The following KCNIP4 variants were observed in gnomAD, a reference collection of about 807,000 sequenced individuals.
KCNIP4 encodes the protein potassium voltage-gated channel interacting protein 4.
In KCNIP4, 12 loss-of-function variants were observed where a neutral mutation model predicts 34.0. The ratio of observed to expected loss-of-function variants is 0.35; its 90% confidence interval spans 0.23 to 0.57. The LOEUF (loss-of-function observed/expected upper bound fraction) is 0.57, where lower values mean the gene tolerates loss of function less well. KCNIP4 is among the 20% of genes least tolerant of loss of function. The pLI, the probability that KCNIP4 is intolerant of heterozygous loss-of-function variation, is 0.83. For missense variants in KCNIP4, 238 were observed against 311.7 expected, an observed-to-expected ratio of 0.76 and a Z score of 1.78; for synonymous variants, 124 against 102.2, an observed-to-expected ratio of 1.21 and a Z score of -1.29.
intron 1 of KCNIP4, among the ~76,000 whole-genome samples, chr4:21,637,276 AGTAAATACTTTAG>A (rs1472298557): frequency 2.0e-5 from 3 of 152,166 alleles, no homozygotes; most frequent in Non-Finnish European, 2.9e-5. Flanking sequence ...AGTTTAAGAG[AGTAAATACTTTAG>A]GTAAATACTT....
intron 1 of KCNIP4, among the ~76,000 whole-genome samples, chr4:21,245,719 T>A (rs1560210614): frequency 6.6e-6 from 1 of 151,582 alleles, no homozygotes; most frequent in Non-Finnish European, 1.5e-5. Flanking sequence ...TGAGAGTATC[T>A]GGGGGAAGCA....
At chr4:21,936,528 T>C (rs909134056) in intron 1 of KCNIP4, among the ~76,000 whole-genome samples, 2 of 152,072 alleles carry the variant, frequency 1.3e-5, no homozygotes, top group African/African-American at 4.8e-5. Context: ...GTTGTTATAT[T>C]AGATGAAGTC....
intron 1 of KCNIP4, among the ~76,000 whole-genome samples, chr4:21,602,285 C>G (rs1743243018): frequency 6.6e-6 from 1 of 152,106 alleles, no homozygotes; most frequent in African/African-American, 2.4e-5. Flanking sequence ...TAACTATTTG[C>G]TTGCATGTCC....
intron 3 of KCNIP4, among the ~76,000 whole-genome samples, chr4:20,836,871 C>CTT (rs34416477): frequency 4.7e-5 from 7 of 148,548 alleles, no homozygotes; most frequent in African/African-American, 1.2e-4. Context: ...AGAGTTCTCT[C>CTT]TTTTTTTTTT....
At chr4:20,986,095 G>A (rs1196215334) in intron 1 of KCNIP4, among the ~76,000 whole-genome samples, 1 of 152,114 alleles carries the variant, frequency 6.6e-6, no homozygotes, top group African/African-American at 2.4e-5. Context: ...GGTTATGACG[G>A]AAGTTCCAAC....
In KCNIP4 at chr4:21,867,063, G is replaced by A. The variant is rs545147435; in HGVS notation, c.61+81508C>T. On this transcript the variant is annotated intron_variant, in intron 1 of 8. Coordinates refer to ENST00000382152, the MANE Select transcript of KCNIP4 (RefSeq NM_025221.6). The stretch of plus-strand genomic sequence containing the variant: ...TGGGATTACAGGCGTGAGCCACCAC[G>A]CCCGGCCAGCTCAGCCTGGAATTCT... 4.6e-5 allele frequency among the ~76,000 whole-genome samples: 7 copies of A among 152,144 alleles called. No individual in the cohort carries two copies. The East Asian group carries it at 7.8e-4, about 17-fold the overall frequency.
At position 21,786,035 on chromosome 4, in the gene KCNIP4, G is replaced by A. The variant is rs1410972441; in HGVS notation, c.61+162536C>T. On this transcript the variant is annotated intron_variant, in intron 1 of 8. Coordinates refer to ENST00000382152, the MANE Select transcript of KCNIP4 (RefSeq NM_025221.6). ...ACTATCTTGGCTCACTGCAACCTCC[G>A]CCTCTCGATTTCAAGCGATTCCCCT... 2.6e-5 allele frequency among the ~76,000 whole-genome samples: 4 copies of A among 152,126 alleles called. No individual in the cohort carries two copies. In the East Asian group the frequency reaches 7.7e-4, roughly 29 times the overall value.
intron 3 of KCNIP4, among the ~76,000 whole-genome samples, chr4:20,844,590 T>C (rs1720142272): frequency 6.6e-6 from 1 of 152,210 alleles, no homozygotes; most frequent in African/African-American, 2.4e-5. Flanking sequence ...AATTGCCTTA[T>C]GCAATTAGCA....
At chr4:21,347,569 G>A (rs1261922470) in intron 1 of KCNIP4, among the ~76,000 whole-genome samples, 2 of 152,162 alleles carry the variant, frequency 1.3e-5, no homozygotes, top group African/African-American at 4.8e-5. Flanking sequence ...AGAGCAAACT[G>A]GCAAAGGATC....
chr4:21,527,392 C>T lies in KCNIP4; in HGVS notation c.61+421179G>A, dbSNP rs149192660. On this transcript the variant is annotated intron_variant, in intron 1 of 8. Coordinates refer to ENST00000382152, the MANE Select transcript of KCNIP4 (RefSeq NM_025221.6). Reference sequence around the variant, plus strand: ...CACATTGAGACGTGGAATCCTTGGCCTATATTACTTTTACACTCATGGAAG... The same window carrying T: ...CACATTGAGACGTGGAATCCTTGGCTTATATTACTTTTACACTCATGGAAG... Among the ~76,000 whole-genome samples the T allele has an allele frequency of 5.9e-4, 90 of 152,142 alleles. No individual in the cohort carries two copies. In the East Asian group the frequency reaches 9.5e-3, roughly 16 times the overall value.
At position 21,878,341 on chromosome 4, in the gene KCNIP4, G is replaced by A. The variant is rs148185933; in HGVS notation, c.61+70230C>T. On this transcript the variant is annotated intron_variant, in intron 1 of 8. Transcript: ENST00000382152. ...TCCACCTGCCTCGACCTCCCAAAGT[G>A]CTGGGATTACAGGCATGAGCCACAG... is the stretch of plus-strand genomic sequence containing the variant. Among the ~76,000 whole-genome samples, 1,120 of 152,268 alleles carry A rather than the reference G, an allele frequency of 7.4e-3. 15 individuals are homozygous for A. Among genetic ancestry groups the A allele is most frequent in the African/African-American group, 0.025 (1,058 of 41,544 alleles).
At chr4:21,102,789 T>C (rs1239357859) in intron 1 of KCNIP4, among the ~76,000 whole-genome samples, 1 of 152,170 alleles carries the variant, frequency 6.6e-6, no homozygotes, top group African/African-American at 2.4e-5. Flanking sequence ...TAAAGAACAT[T>C]TGCTGTTCCC....
At chr4:21,120,663 A>G (rs1325502709) in intron 1 of KCNIP4, among the ~76,000 whole-genome samples, 1 of 152,150 alleles carries the variant, frequency 6.6e-6, no homozygotes, top group African/African-American at 2.4e-5. Flanking sequence ...TTCACTCACT[A>G]TCACAAAAAC....
chr4:21,521,604 A>G (rs1447001937), intron 1 of KCNIP4, among the ~76,000 whole-genome samples: 1 of 152,162 alleles, frequency 6.6e-6, no homozygotes, highest in Non-Finnish European at 1.5e-5. Context: ...TAGGGTTGTC[A>G]TCTAATTATT....
chr4:21,425,490 G>C (rs1725851027), intron 1 of KCNIP4, among the ~76,000 whole-genome samples: 1 of 151,976 alleles, frequency 6.6e-6, no homozygotes, highest in South Asian at 2.1e-4. Flanking sequence ...ACATAAAGTG[G>C]TAAGAATTTA....
intron 1 of KCNIP4, among the ~76,000 whole-genome samples, chr4:21,546,031 C>T (rs35775522): frequency 6.6e-6 from 1 of 152,016 alleles, no homozygotes; most frequent in South Asian, 2.1e-4. Flanking sequence ...TATGGACTTG[C>T]CTTGAATTCT....
chr4:20,911,847 G>A (rs557178888), intron 1 of KCNIP4, among the ~76,000 whole-genome samples: 1 of 152,250 alleles, frequency 6.6e-6, no homozygotes, highest in South Asian at 2.1e-4. Context: ...TTATCCCTCA[G>A]GTTGCAGAAA....
At chr4:21,225,566 C>A (rs1288223154) in intron 1 of KCNIP4, among the ~76,000 whole-genome samples, 1 of 152,016 alleles carries the variant, frequency 6.6e-6, no homozygotes. Flanking sequence ...ATTCTATAAT[C>A]GCTGGATTTT....
intron 3 of KCNIP4, among the ~76,000 whole-genome samples, chr4:20,837,112 T>C (rs1446124368): frequency 6.6e-6 from 1 of 152,192 alleles, no homozygotes; most frequent in African/African-American, 2.4e-5. Context: ...GAACTTGAGA[T>C]GAAAAGTTTT....
Sources: allele counts gnomAD v4.1 joint callset (sites outside exome capture counted in the v4.1 genomes callset), GRCh38; gene constraint gnomAD v4.1.1; transcripts MANE v1.5; gene names NCBI Gene and HGNC (gene_info 2026-07-23, HGNC 2026-07-21).